The following TRIM24 variants were observed in gnomAD, a reference collection of about 807,000 sequenced individuals.
The protein encoded by TRIM24 is tripartite motif containing 24, also known as transcription intermediary factor 1-alpha.
A neutral mutation model predicts 123.9 loss-of-function variants in TRIM24; 29 were observed. The observed-to-expected ratio is 0.23, with a 90% CI of 0.17 to 0.32. TRIM24 has a LOEUF of 0.32. TRIM24 is among the 10% of genes least tolerant of loss of function. TRIM24 has a pLI of 1.00. For synonymous variants in TRIM24, 456 were observed against 461.1 expected (o/e 0.99, Z 0.14); for missense variants, 932 against 1,295.3 (o/e 0.72, Z 4.31).
chr7:138,551,027 T>G, intron 7 of TRIM24, 36 bp from the exon 8 acceptor site: 1 of 1,546,230 alleles, frequency 6.5e-7, no homozygotes, highest in South Asian at 1.1e-5. Flanking sequence ...ATAAATTATT[T>G]GCCTAATATT....
chr7:138,548,135 G>T, intron 7 of TRIM24, among the ~76,000 whole-genome samples: 1 of 152,104 alleles, frequency 6.6e-6, no homozygotes, highest in East Asian at 1.9e-4. Flanking sequence ...TGATGACGGG[G>T]ATGCATTCTG....
At chr7:138,531,040 A>G (rs1796720479) in intron 6 of TRIM24, among the ~76,000 whole-genome samples, 1 of 152,028 alleles carries the variant, frequency 6.6e-6, no homozygotes, top group Non-Finnish European at 1.5e-5. Flanking sequence ...TGCAGCCTCA[A>G]ACTCCTGGGA....
chr7:138,518,192 C>A (rs983608907), intron 3 of TRIM24, among the ~76,000 whole-genome samples: 7 of 152,166 alleles, frequency 4.6e-5, no homozygotes, highest in African/African-American at 1.7e-4. Flanking sequence ...TATACTAATA[C>A]AGAAAGTCAT....
At chr7:138,501,613 C>T (rs921931622) in intron 1 of TRIM24, among the ~76,000 whole-genome samples, 5 of 151,960 alleles carry the variant, frequency 3.3e-5, no homozygotes, top group South Asian at 2.1e-4. Flanking sequence ...AGTGGCCAGG[C>T]GTGGTGGGTC....
At chr7:138,541,834 C>T (rs62485261) in intron 7 of TRIM24, among the ~76,000 whole-genome samples, 37,133 of 152,166 alleles carry the variant, frequency 0.24, 5,644 homozygotes, top group East Asian at 0.47. Context: ...GATTAACTTG[C>T]TGCAGCTTCT....
chr7:138,517,830 AAGAT>A (rs1231485911), intron 3 of TRIM24, among the ~76,000 whole-genome samples: 7 of 152,286 alleles, frequency 4.6e-5, no homozygotes, highest in South Asian at 2.1e-4. Flanking sequence ...AATGCATTCT[AAGAT>A]AGTAAAGTAT....
intron 1 of TRIM24, among the ~76,000 whole-genome samples, chr7:138,488,290 A>T (rs1795695659): frequency 6.6e-6 from 1 of 151,770 alleles, no homozygotes; most frequent in African/African-American, 2.4e-5. Context: ...TTTTCAAAAA[A>T]AAAACAGCTC....
At chr7:138,484,195 C>T (rs554725036) in intron 1 of TRIM24, among the ~76,000 whole-genome samples, 113 of 151,926 alleles carry the variant, frequency 7.4e-4, no homozygotes, top group African/African-American at 2.7e-3. Flanking sequence ...CCTCAACCTC[C>T]GCCTCCCGGG....
Position 138,554,045 on chromosome 7 carries a change from A to G in TRIM24, c.1262-653A>G, listed in dbSNP as rs1797265579. Among the ~76,000 whole-genome samples the G allele has an allele frequency of 6.6e-6, 1 of 152,212 alleles. No individual in the cohort carries two copies. Among genetic ancestry groups the G allele is most frequent in the South Asian group, 2.1e-4 (1 of 4,838 alleles). On this transcript the variant is annotated intron_variant, in intron 8 of 18. Transcript: ENST00000343526. The surrounding 1 kb of genome is among the most constrained non-coding windows in gnomAD (Gnocchi z 4.5). The stretch of plus-strand genomic sequence containing the variant: ...CCATGTGGCAACCTTCATTTAACAC[A>G]AAGCAAAAGGCATCCATCCCCAATA...
rs566659419 is a variant in TRIM24 at position 138,555,887 on chromosome 7, C to T, written c.1530+921C>T. Among the ~76,000 whole-genome samples the T allele has an allele frequency of 6.6e-5, 10 of 152,252 alleles. No individual in the cohort carries two copies. The South Asian group carries it at 1.9e-3, about 28-fold the overall frequency. ...GGGGCGGAAATCACCTTACATCTTA[C>T]CAGACCATAAGCATCTTCATGGCAT... On this transcript the variant is annotated intron_variant, in intron 9 of 18. Transcript: ENST00000343526.
intron 1 of TRIM24, among the ~76,000 whole-genome samples, chr7:138,499,240 GCT>G (rs1252178650): frequency 2.0e-5 from 3 of 152,072 alleles, no homozygotes; most frequent in Non-Finnish European, 4.4e-5. Flanking sequence ...TCTAAAGTCT[GCT>G]TTGTCTGAGA....
intron 1 of TRIM24, among the ~76,000 whole-genome samples, chr7:138,472,894 A>G (rs1013230332): frequency 3.9e-5 from 6 of 152,162 alleles, no homozygotes; most frequent in African/African-American, 1.4e-4. Context: ...TTAAATAGAA[A>G]CAGGGTCTCA....
Position 138,576,169 on chromosome 7 carries a change from CAA to C in TRIM24, c.2015-201_2015-200del, listed in dbSNP as rs1206420285. 3.3e-5 allele frequency among the ~76,000 whole-genome samples: 5 copies of C among 152,098 alleles called. No individual in the cohort carries two copies. In the East Asian group the frequency reaches 9.6e-4, roughly 29 times the overall value. On this transcript the variant is annotated intron_variant, in intron 12 of 18. Transcript: ENST00000343526. Reference sequence around the variant, plus strand: ...CTCCACAACAAGGAATTATCTGGCCCAAAAGTCAATAGTGCAGAGGCTGAAAA... The same window carrying C: ...CTCCACAACAAGGAATTATCTGGCCCAAGTCAATAGTGCAGAGGCTGAAAA...
At chr7:138,509,563 G>T (rs1043192766) in intron 2 of TRIM24, among the ~76,000 whole-genome samples, 1 of 150,386 alleles carries the variant, frequency 6.6e-6, no homozygotes, top group African/African-American at 2.4e-5. Context: ...AATTAGCTGG[G>T]CATGGTGGCA....
intron 9 of TRIM24, among the ~76,000 whole-genome samples, chr7:138,556,602 A>C (rs1209143590): frequency 6.6e-6 from 1 of 152,220 alleles, no homozygotes; most frequent in African/African-American, 2.4e-5. Context: ...AGATATACTA[A>C]AAAGAATATT....
intron 11 of TRIM24, among the ~76,000 whole-genome samples, chr7:138,571,392 T>C (rs1372112393): frequency 1.3e-5 from 2 of 152,168 alleles, no homozygotes; most frequent in African/African-American, 4.8e-5. Context: ...TTTTAATCCT[T>C]TAGAATATTA....
chr7:138,479,010 T>G (rs1050398930), intron 1 of TRIM24, among the ~76,000 whole-genome samples: 6 of 152,220 alleles, frequency 3.9e-5, no homozygotes, highest in African/African-American at 1.4e-4. Flanking sequence ...AAGCTTAATC[T>G]TCCCTTAACA....
intron 3 of TRIM24, among the ~76,000 whole-genome samples, chr7:138,516,808 G>GTTTTTTTTT (rs1224612357): frequency 3.0e-4 from 39 of 131,892 alleles, no homozygotes; most frequent in African/African-American, 9.6e-4. Context: ...TAGCAAAACC[G>GTTTTTTTTT]TTTTGTTTTT....
In TRIM24 at chr7:138,587,088, A is replaced by G. The variant is rs1798032857; in HGVS notation, c.*2137A>G. 1 of 152,176 alleles carries G rather than the reference A, an allele frequency of 6.6e-6. No individual in the cohort carries two copies. The allele number at this position is 152,176 out of a possible 1,614,324, so 9.4% of individuals were successfully genotyped here. On this transcript the variant is annotated 3_prime_UTR_variant, in exon 19 of 19. Coordinates refer to ENST00000343526, the MANE Select transcript of TRIM24 (RefSeq NM_015905.3). Reference sequence around the variant, plus strand: ...AGATCGGGGCTGGGCGCAGTGGCTCACACCTGCAATCCCACCAGCACTTTG... The same window carrying G: ...AGATCGGGGCTGGGCGCAGTGGCTCGCACCTGCAATCCCACCAGCACTTTG...
Sources: allele counts gnomAD v4.1 joint callset (sites outside exome capture counted in the v4.1 genomes callset), GRCh38; gene constraint gnomAD v4.1.1; non-coding constraint Gnocchi (gnomAD v3.1); transcripts MANE v1.5; gene names NCBI Gene and HGNC (gene_info 2026-07-23, HGNC 2026-07-21).